The following HIVEP3 variants were observed in gnomAD, a reference collection of about 807,000 sequenced individuals.
The protein encoded by HIVEP3 is HIVEP zinc finger 3, also known as transcription factor HIVEP3.
In HIVEP3, 49 loss-of-function variants were observed where a neutral mutation model predicts 152.8. The observed-to-expected ratio is 0.32, with a 90% CI of 0.26 to 0.41. The LOEUF (loss-of-function observed/expected upper bound fraction) is 0.41. Among genes scored for constraint, HIVEP3 ranks in the 10% least tolerant of loss-of-function variants. HIVEP3 has a pLI of 1.00. For missense variants in HIVEP3, 2,790 were observed against 3,103.3 expected, an observed-to-expected ratio of 0.90 and a Z score of 2.40; for synonymous variants, 1,269 against 1,289.0, an observed-to-expected ratio of 0.98 and a Z score of 0.33.
chr1:41,589,702 T>C (rs1570031987), intron 3 of HIVEP3, among the ~76,000 whole-genome samples: 1 of 152,112 alleles, frequency 6.6e-6, no homozygotes, highest in South Asian at 2.1e-4. Context: ...CGGTCAAAGT[T>C]AGATAAGGCT....
intron 5 of HIVEP3, among the ~76,000 whole-genome samples, chr1:41,566,211 T>C (rs1644160157): frequency 6.6e-6 from 1 of 152,180 alleles, no homozygotes; most frequent in South Asian, 2.1e-4. Flanking sequence ...AAAATAGTCA[T>C]TCACAAATGC....
intron 3 of HIVEP3, 119 bp from the exon 4 acceptor site, chr1:41,585,437 C>T (rs1158294583): frequency 4.3e-5 from 17 of 397,740 alleles, no homozygotes; most frequent in Non-Finnish European, 6.6e-5. Flanking sequence ...GCTGAGACCC[C>T]TCAAAAGTTA....
chr1:41,819,646 T>C (rs182912340), intron 1 of HIVEP3, among the ~76,000 whole-genome samples: 1 of 152,230 alleles, frequency 6.6e-6, no homozygotes, highest in Non-Finnish European at 1.5e-5. Flanking sequence ...TTCAGACTTA[T>C]GGGGGATTAG....
intron 1 of HIVEP3, among the ~76,000 whole-genome samples, chr1:41,819,185 T>C (rs1837561): frequency 0.35 from 53,808 of 152,104 alleles, 11,120 homozygotes; most frequent in East Asian, 0.8. Flanking sequence ...TATGTGTGTG[T>C]TGAAATCTTT....
Position 41,706,246 on chromosome 1 carries a change from T to C in HIVEP3, c.-800-5251A>G, listed in dbSNP as rs1646431764. Among the ~76,000 whole-genome samples, 4 of 152,232 alleles carry C rather than the reference T, an allele frequency of 2.6e-5. No individual in the cohort carries two copies. In the South Asian group the frequency reaches 6.2e-4, roughly 24 times the overall value. On this transcript the variant is annotated intron_variant, in intron 1 of 8. Transcript: ENST00000372583. ...CCCCTTTTAGGATTCCCAGTGTTTA[T>C]TGTTCTCATCGTTGTGTCCGAATAC... is the stretch of plus-strand genomic sequence containing the variant.
Position 41,664,288 on chromosome 1 carries a change from G to A in HIVEP3, c.-720-35341C>T, listed in dbSNP as rs1439079413. On this transcript the variant is annotated intron_variant, in intron 2 of 8. Transcript: ENST00000372583. This position sits in a 1 kb window ranked among gnomAD's most constrained non-coding sequence, Gnocchi z 4.4. ...AAAGCAACTCCAGGCAGAGGAGGTG[G>A]GTGCCTTGTTATAATTCATATGCCC... Among the ~76,000 whole-genome samples, 1 of 152,158 alleles carries A rather than the reference G, an allele frequency of 6.6e-6. No individual in the cohort carries two copies. Among genetic ancestry groups the A allele is most frequent in the African/African-American group, 2.4e-5 (1 of 41,432 alleles).
intron 1 of HIVEP3, among the ~76,000 whole-genome samples, chr1:42,002,755 A>G (rs1377736715): frequency 2.0e-5 from 3 of 152,084 alleles, no homozygotes; most frequent in Non-Finnish European, 4.4e-5. Context: ...CCCAAAAGGG[A>G]AACATCCAGA....
chr1:41,933,640 T>C (rs1645005800), intron 1 of HIVEP3, among the ~76,000 whole-genome samples: 1 of 152,188 alleles, frequency 6.6e-6, no homozygotes, highest in African/African-American at 2.4e-5. Context: ...TTTTAACTGG[T>C]ATGTTTAGAC....
intron 1 of HIVEP3, among the ~76,000 whole-genome samples, chr1:41,704,977 G>C (rs1646412310): frequency 6.6e-6 from 1 of 152,158 alleles, no homozygotes; most frequent in Non-Finnish European, 1.5e-5. Flanking sequence ...ATTTCCCACT[G>C]CTCCTAAGAT....
chr1:42,010,402 G>A lies in HIVEP3; in HGVS notation n.119+25405C>T, dbSNP rs561864443. On this transcript the variant is annotated intron_variant and non_coding_transcript_variant, in intron 1 of 3. Transcript: ENST00000489103. The stretch of plus-strand genomic sequence containing the variant: ...GCTGAAGGACTGTAGATTAGTATAG[G>A]TAGTTCATGTGTGTTTCCTTTGTAG... 1.8e-4 allele frequency among the ~76,000 whole-genome samples: 27 copies of A among 152,222 alleles called. No homozygotes were observed. In the South Asian group the frequency reaches 2.1e-3, roughly 12 times the overall value.
intron 1 of HIVEP3, among the ~76,000 whole-genome samples, chr1:41,882,308 A>G (rs1644275119): frequency 6.6e-6 from 1 of 152,184 alleles, no homozygotes; most frequent in Non-Finnish European, 1.5e-5. Context: ...GACTGCCCCT[A>G]TGTCTGCCTG....
At chr1:41,668,923 C>CACCTGGAAGGCTT (rs1304126423) in intron 2 of HIVEP3, among the ~76,000 whole-genome samples, 3 of 152,178 alleles carry the variant, frequency 2.0e-5, no homozygotes, top group African/African-American at 7.2e-5. Context: ...ATAAACAGGG[C>CACCTGGAAGGCTT]ACCTGGAAGG....
At chr1:41,859,109 A>C (rs1483848121) in intron 1 of HIVEP3, among the ~76,000 whole-genome samples, 1 of 152,200 alleles carries the variant, frequency 6.6e-6, no homozygotes, top group Non-Finnish European at 1.5e-5. Context: ...ATGAAACATC[A>C]ACATCAGTTA....
intron 1 of HIVEP3, among the ~76,000 whole-genome samples, chr1:41,803,195 C>G (rs1002449859): frequency 4.6e-5 from 7 of 152,226 alleles, no homozygotes; most frequent in African/African-American, 1.7e-4. Flanking sequence ...AGACAAAAAC[C>G]CCAAAATATG....
At position 41,581,513 on chromosome 1, in the gene HIVEP3, A is replaced by C. The variant is rs934577129; in HGVS notation, c.3285T>G (p.His1095Gln). ...LSQISSAATS[H>Q]GGPPGGKGPG... ...GGCCCTTGCCTCCCGGGGGTCCACC[A>C]TGTGAGGTGGCCGCAGAGGAAATCT... The change falls in exon 4 of 9, where the codon CAT (histidine) becomes CAG (glutamine). Residue 1095 changes from histidine to glutamine, a missense_variant. This residue lies in a region of HIVEP3 where 1,078 missense variants were observed against 1,165.3 expected (regional missense o/e 0.93). Coordinates refer to ENST00000372583, the MANE Select transcript of HIVEP3 (RefSeq NM_024503.5). The surrounding 1 kb of genome is among the most constrained non-coding windows in gnomAD (Gnocchi z 4.5). 6.3e-7 allele frequency: 1 copy of C among 1,584,938 alleles called. No individual in the cohort carries two copies. The highest frequency in any genetic ancestry group is 1.3e-5 in the African/African-American group (1 of 74,128).
intron 1 of HIVEP3, among the ~76,000 whole-genome samples, chr1:41,788,932 C>G (rs1410541038): frequency 1.3e-5 from 2 of 152,224 alleles, no homozygotes; most frequent in Non-Finnish European, 2.9e-5. Flanking sequence ...TGTATCCTTT[C>G]TATCTGTGGT....
intron 1 of HIVEP3, among the ~76,000 whole-genome samples, chr1:41,819,881 C>G (rs1382422410): frequency 6.6e-6 from 1 of 152,046 alleles, no homozygotes; most frequent in Non-Finnish European, 1.5e-5. Flanking sequence ...TGCTTTAGAT[C>G]AGGGGTTAGC....
chr1:41,807,148 C>A (rs1650677883), intron 1 of HIVEP3, among the ~76,000 whole-genome samples: 1 of 152,188 alleles, frequency 6.6e-6, no homozygotes. Flanking sequence ...TAGTCTTCTC[C>A]TGTGGCTGAG....
At chr1:41,543,395 T>C (rs1643580258) in intron 5 of HIVEP3, 1 of 152,126 alleles carries the variant, frequency 6.6e-6, no homozygotes, top group South Asian at 2.1e-4. Context: ...ACTGTGAGAG[T>C]TGTCACTGCT....
Sources: gnomAD v4.1 joint callset for allele counts (sites outside exome capture counted in the v4.1 genomes callset) on GRCh38, gnomAD v4.1.1 for gene constraint, gnomAD v4.1.1 regional missense constraint, Gnocchi (gnomAD v3.1) non-coding constraint, MANE v1.5 for transcripts, NCBI Gene and HGNC (gene_info 2026-07-23, HGNC 2026-07-21) for gene names.